Variants in MKX observed in about 807,000 individuals in gnomAD.
MKX encodes mohawk homeobox.
A neutral mutation model predicts 36.0 loss-of-function variants in MKX; 13 were observed. The ratio of observed to expected loss-of-function variants is 0.36; its 90% CI spans 0.24 to 0.57. MKX has a LOEUF of 0.57. Ranked by LOEUF, MKX falls within the 20% of genes least tolerant of loss-of-function variation. The pLI is 0.79. For missense variants in MKX, 458 were observed against 456.4 expected, an observed-to-expected ratio of 1.00 and a Z score of -0.03; for synonymous variants, 176 against 178.3, an observed-to-expected ratio of 0.99 and a Z score of 0.10.
At chr10:27,685,189 T>C (rs1836320049) in intron 5 of MKX, among the ~76,000 whole-genome samples, 9 of 151,774 alleles carry the variant, frequency 5.9e-5, no homozygotes, top group Admixed American at 5.2e-4. Flanking sequence ...GTAACCTCTG[T>C]CAATAAAGCC....
At chr10:27,685,538 T>C (rs1445727039) in intron 5 of MKX, among the ~76,000 whole-genome samples, 1 of 147,248 alleles carries the variant, frequency 6.8e-6, no homozygotes, top group Non-Finnish European at 1.5e-5. Flanking sequence ...AAGCTCCGCC[T>C]CCCGGGTGCA....
chr10:27,716,435 G>GAAAAA (rs1491136531), intron 5 of MKX, among the ~76,000 whole-genome samples: 2 of 35,852 alleles, frequency 5.6e-5, no homozygotes, highest in Non-Finnish European at 7.6e-5. Flanking sequence ...AAAAAAAAAA[G>GAAAAA]CAAAAAAAAA....
rs1019691349 is a variant in MKX, at chr10:27,742,773, G to A, written c.188+455C>T. ...CTTCCCGACTCCTTGGGCCAGGCGA[G>A]CCGCGGGGCTCTGGCGAGGGGCTCG... On this transcript the variant is annotated intron_variant, in intron 2 of 6. Transcript: ENST00000419761. This position sits in a 1 kb window ranked among gnomAD's most constrained non-coding sequence, Gnocchi z 4.2. Among the ~76,000 whole-genome samples the A allele has an allele frequency of 3.3e-5, 5 of 152,114 alleles. No individual in the cohort carries two copies. The highest frequency in any genetic ancestry group is 4.8e-5 in the African/African-American group (2 of 41,456).
chr10:27,678,294 A>G (rs1836190933), intron 5 of MKX, among the ~76,000 whole-genome samples: 2 of 151,498 alleles, frequency 1.3e-5, no homozygotes, highest in Admixed American at 6.6e-5. Context: ...TTTACAGAGG[A>G]AAAAAAAATG....
At chr10:27,720,842 A>G (rs1834359526) in intron 5 of MKX, among the ~76,000 whole-genome samples, 1 of 152,138 alleles carries the variant, frequency 6.6e-6, no homozygotes, top group African/African-American at 2.4e-5. Context: ...CACAAAACTT[A>G]CTATCTGAAG....
chr10:27,692,874 G>T (rs1417584709), intron 5 of MKX, among the ~76,000 whole-genome samples: 1 of 152,152 alleles, frequency 6.6e-6, no homozygotes, highest in Non-Finnish European at 1.5e-5. Context: ...GAGGTAGCTG[G>T]AGCTACATGG....
At chr10:27,710,156 G>A (rs1836826639) in intron 5 of MKX, among the ~76,000 whole-genome samples, 2 of 152,168 alleles carry the variant, frequency 1.3e-5, no homozygotes, top group Admixed American at 6.5e-5. Flanking sequence ...TCTGTGGGCT[G>A]TTCCTTAAAT....
intron 3 of MKX, among the ~76,000 whole-genome samples, chr10:27,736,674 AT>A (rs34034802): frequency 6.6e-6 from 1 of 151,852 alleles, no homozygotes; most frequent in Admixed American, 6.6e-5. Context: ...ATAAATACAC[AT>A]TTTTTGTGCA....
Position 27,742,286 on chromosome 10 carries a change from C to G in MKX, c.189-782G>C, listed in dbSNP as rs113184919. Among the ~76,000 whole-genome samples, 1 of 152,082 alleles carries G rather than the reference C, an allele frequency of 6.6e-6. No individual in the cohort carries two copies. The highest frequency in any genetic ancestry group is 6.5e-5 in the Admixed American group (1 of 15,268). ...GGGGCGCTGCGCTCCCTCACGGGTC[C>G]GGGAGGTGTCGCGCGCGGCCGCCAG... On this transcript the variant is annotated intron_variant, in intron 2 of 6. Coordinates refer to ENST00000419761, the MANE Select transcript of MKX (RefSeq NM_173576.3). The surrounding 1 kb of genome is among the most constrained non-coding windows in gnomAD (Gnocchi z 4.2).
rs1220890808 is a variant in MKX, at chr10:27,705,374, A to C, written c.838+29082T>G. Among the ~76,000 whole-genome samples the C allele has an allele frequency of 2.0e-5, 3 of 152,230 alleles. No homozygotes were observed. The East Asian group carries it at 5.8e-4, about 29-fold the overall frequency. On this transcript the variant is annotated intron_variant, in intron 5 of 6. Coordinates refer to ENST00000419761, the MANE Select transcript of MKX (RefSeq NM_173576.3). ...TTTTTTTTGTTTGTTTGTTTTATAC[A>C]GAGTGAGTCTTACTCTGTCACCCAA...
intron 5 of MKX, among the ~76,000 whole-genome samples, chr10:27,695,715 TA>T (rs1332935628): frequency 6.6e-6 from 1 of 152,080 alleles, no homozygotes; most frequent in Non-Finnish European, 1.5e-5. Flanking sequence ...AGGGCCCTAC[TA>T]AAGGTAAAAA....
intron 5 of MKX, among the ~76,000 whole-genome samples, chr10:27,710,447 C>T (rs759799497): frequency 1.5e-4 from 23 of 152,174 alleles, no homozygotes; most frequent in Non-Finnish European, 2.5e-4. Context: ...GAGAGGGACA[C>T]ACTCCCCAAT....
At chr10:27,711,497 TC>T (rs1564357068) in intron 5 of MKX, among the ~76,000 whole-genome samples, 13 of 56,566 alleles carry the variant, frequency 2.3e-4, no homozygotes, top group African/African-American at 1.6e-3. Context: ...CTCTCTCTCT[TC>T]TTTCCTTCCT....
In MKX at chr10:27,682,796, C is replaced by T. The variant is rs373883540; in HGVS notation, c.839-7242G>A. Among the ~76,000 whole-genome samples the T allele has an allele frequency of 6.5e-4, 98 of 151,850 alleles. 1 individual carries two copies. Among genetic ancestry groups the T allele is most frequent in the African/African-American group, 2.3e-3 (97 of 41,424 alleles). ...GAGTTCGAGACCAGTCTGGCCAATA[C>T]AGTGAAACCCCGTCTCTACTAAAAA... On this transcript the variant is annotated intron_variant, in intron 5 of 6. Coordinates refer to ENST00000419761, the MANE Select transcript of MKX (RefSeq NM_173576.3).
chr10:27,708,259 G>C (rs1186593535), intron 5 of MKX, among the ~76,000 whole-genome samples: 1 of 152,094 alleles, frequency 6.6e-6, no homozygotes, highest in African/African-American at 2.4e-5. Flanking sequence ...CTCACCCCTT[G>C]TAAAAAGTAC....
At chr10:27,726,004 C>T (rs1374874189) in intron 5 of MKX, among the ~76,000 whole-genome samples, 2 of 152,116 alleles carry the variant, frequency 1.3e-5, no homozygotes, top group Non-Finnish European at 2.9e-5. Flanking sequence ...AATACTGACA[C>T]AGTCTTAAAT....
In MKX at chr10:27,690,586, C is replaced by T. The variant is rs73604038; in HGVS notation, c.839-15032G>A. Reference sequence around the variant, plus strand: ...GTTTCTTCACCTATAAAATGGGGATCATTGTAACACCTACTTCGTACGGTT... The same window carrying T: ...GTTTCTTCACCTATAAAATGGGGATTATTGTAACACCTACTTCGTACGGTT... On this transcript the variant is annotated intron_variant, in intron 5 of 6. Transcript: ENST00000419761. 7.1e-3 allele frequency among the ~76,000 whole-genome samples: 1,085 copies of T among 152,212 alleles called. 10 individuals carry two copies. Among genetic ancestry groups the T allele is most frequent in the African/African-American group, 0.023 (939 of 41,522 alleles).
chr10:27,732,746 T>A (rs186694974), intron 5 of MKX, among the ~76,000 whole-genome samples: 33 of 152,258 alleles, frequency 2.2e-4, no homozygotes. Flanking sequence ...TGTTAATATG[T>A]AGTGTCTTCA....
chr10:27,737,923 A>G (rs1834813772), intron 3 of MKX, among the ~76,000 whole-genome samples: 1 of 152,162 alleles, frequency 6.6e-6, no homozygotes, highest in Non-Finnish European at 1.5e-5. Context: ...TTTTTTAAAA[A>G]AGTAATACAC....
Sources: allele counts gnomAD v4.1 joint callset (sites outside exome capture counted in the v4.1 genomes callset), GRCh38; gene constraint gnomAD v4.1.1; non-coding constraint Gnocchi (gnomAD v3.1); transcripts MANE v1.5; gene names NCBI Gene and HGNC (gene_info 2026-07-23, HGNC 2026-07-21).